The following WDFY4 variants were observed in gnomAD, a reference collection of about 807,000 sequenced individuals.
WDFY4 encodes WDFY family member 4, also known as WD repeat- and FYVE domain-containing protein 4.
In WDFY4, 169 loss-of-function variants were observed where a neutral mutation model predicts 351.9. The ratio of observed to expected loss-of-function variants is 0.48; its 90% CI spans 0.42 to 0.55. The LOEUF is 0.55. Ranked by LOEUF, WDFY4 falls within the 20% of genes least tolerant of loss-of-function variation. The probability of loss-of-function intolerance (pLI) is 0.00; values close to 1 mark genes in which losing one functional copy is unlikely to be tolerated. For synonymous variants in WDFY4, 1,622 were observed against 1,574.6 expected (o/e 1.03, Z -0.71); for missense variants, 3,803 against 3,935.6 (o/e 0.97, Z 0.90).
rs530211569 is a variant in WDFY4, at chr10:48,754,255, C to G, written c.2460-6092C>G. Among the ~76,000 whole-genome samples the G allele has an allele frequency of 3.6e-3, 461 of 128,086 alleles. 2 individuals carry two copies. Among genetic ancestry groups the G allele is most frequent in the African/African-American group, 0.013 (450 of 35,178 alleles). The allele number at this position is 128,086 out of a possible 152,430, so 84.0% of individuals were successfully genotyped here. A position where few individuals can be genotyped will look rare whatever the true frequency, so the allele number is the denominator to read the frequency against. On this transcript the variant is annotated intron_variant, in intron 12 of 61. Transcript: ENST00000325239. ...GTTTTTTTTTTTTTTTCTGTATTGTCTTTGTGTGGCTTCAGTATCAGAGTA... is the reference window on the plus strand; with the variant it reads ...GTTTTTTTTTTTTTTTCTGTATTGTGTTTGTGTGGCTTCAGTATCAGAGTA...
Position 48,721,228 on chromosome 10 carries a change from G to T in WDFY4, c.350-33G>T, listed in dbSNP as rs369302093. ...GGAGGGGAAGCTGAGTGGGCAGGTC[G>T]CTGTATGCCCTGCTGGTGACACTTT... On this transcript the variant is annotated intron_variant, in intron 3 of 61. Coordinates refer to ENST00000325239, the MANE Select transcript of WDFY4 (RefSeq NM_001394531.1). 5.2e-6 allele frequency: 8 copies of T among 1,537,910 alleles called. No individual in the cohort carries two copies. In the South Asian group the frequency reaches 9.5e-5, roughly 18 times the overall value.
chr10:48,923,232 G>C (rs1217695807), intron 47 of WDFY4, among the ~76,000 whole-genome samples: 2 of 151,962 alleles, frequency 1.3e-5, no homozygotes, highest in Non-Finnish European at 2.9e-5. Context: ...GGTCCAATGT[G>C]TATGTCTCCC....
intron 28 of WDFY4, 25 bp downstream of exon 28, chr10:48,807,983 T>C: frequency 1.3e-6 from 2 of 1,510,914 alleles, no homozygotes; most frequent in Non-Finnish European, 1.8e-6. Context: ...GAAGAGCAAT[T>C]TGGCAGGAGG....
Position 48,817,386 on chromosome 10 carries a change from G to T in WDFY4, c.5482G>T (p.Ala1828Ser). The change falls in exon 32 of 62, where the codon GCC (alanine) becomes TCC (serine). Residue 1828 changes from alanine (A) to serine (S), a missense_variant. Around this residue, in one of 3 missense-constraint regions of WDFY4, gnomAD observed 3,054 missense variants for 3,148.6 expected, o/e 0.97. Transcript: ENST00000325239. ...GTTCCTCCAGACCTTGGCCATAGCC[G>T]CCTTCCCCCTGGGAGCCCAAAAGGT... Reference protein sequence around the residue: ...PEFLQTLAIAAFPLGAQKGVG... With the variant: ...PEFLQTLAIASFPLGAQKGVG... The T allele has an allele frequency of 6.4e-7, 1 of 1,550,932 alleles. No homozygotes were observed. The highest frequency in any genetic ancestry group is 8.7e-7 in the Non-Finnish European group (1 of 1,146,508).
At chr10:48,792,815 CT>C (rs1266462058) in intron 23 of WDFY4, among the ~76,000 whole-genome samples, 1 of 152,202 alleles carries the variant, frequency 6.6e-6, no homozygotes, top group Non-Finnish European at 1.5e-5. Flanking sequence ...AAACTCTGAG[CT>C]TCTCAGAAAG....
chr10:48,694,430 AGCCCCT>A (rs1202856155), intron 1 of WDFY4, among the ~76,000 whole-genome samples: 1 of 151,848 alleles, frequency 6.6e-6, no homozygotes, highest in Non-Finnish European at 1.5e-5. Context: ...CCCTCTCCAA[AGCCCCT>A]GCTTCTGTGA....
Position 48,820,393 on chromosome 10 carries a change from G to T in WDFY4, c.5665G>T (p.Ala1889Ser), listed in dbSNP as rs2067778003. 1.3e-6 allele frequency: 2 copies of T among 1,551,622 alleles called. No homozygotes were observed. The highest frequency in any genetic ancestry group is 4.9e-5 in the East Asian group (2 of 40,896). The change falls in exon 33 of 62, where the codon GCC (alanine) becomes TCC (serine). Residue 1889 changes from alanine to serine, a missense_variant. Physicochemically the swap from Ala to Ser is moderately conservative, Grantham distance 99 (BLOSUM62 1). This residue lies in a region of WDFY4 where 3,054 missense variants were observed against 3,148.6 expected (regional missense o/e 0.97). Transcript: ENST00000325239. ...QLLLRELLLGASSPKQWLPLE... is the reference protein window; with the variant it reads ...QLLLRELLLGSSSPKQWLPLE... ...CCTCTTGAGGGAGCTCCTGCTTGGA[G>T]CCTCCAGCCCCAAGCAGTGGCTGCC...
At chr10:48,776,288 G>A (rs1243705833) in intron 15 of WDFY4, among the ~76,000 whole-genome samples, 1 of 152,206 alleles carries the variant, frequency 6.6e-6, no homozygotes, top group African/African-American at 2.4e-5. Flanking sequence ...GATCACATAA[G>A]ACCTCAAGGA....
intron 39 of WDFY4, among the ~76,000 whole-genome samples, chr10:48,848,082 T>C (rs2068837961): frequency 6.6e-6 from 1 of 152,148 alleles, no homozygotes; most frequent in Admixed American, 6.5e-5. Flanking sequence ...GAAAAGAGCC[T>C]TTTCTGGCCT....
chr10:48,803,265 GTGTTT>G lies in WDFY4; in HGVS notation c.4411-12_4411-8del. The G allele has an allele frequency of 6.4e-7, 1 of 1,551,264 alleles. No individual in the cohort carries two copies. Among genetic ancestry groups the G allele is most frequent in the Non-Finnish European group, 8.7e-7 (1 of 1,146,560 alleles). ...TTCTCCCACACCTTCATTTTAGCATGTGTTTTGTTTTGTCTTCCAGCTCTGGATGA... is the reference window on the plus strand; with the variant it reads ...TTCTCCCACACCTTCATTTTAGCATGTGTTTTGTCTTCCAGCTCTGGATGA... On this transcript the variant is annotated splice_polypyrimidine_tract_variant and intron_variant, in intron 24 of 61. Transcript: ENST00000325239.
At chr10:48,915,894 G>A (rs1589877090) in intron 47 of WDFY4, among the ~76,000 whole-genome samples, 1 of 152,122 alleles carries the variant, frequency 6.6e-6, no homozygotes, top group African/African-American at 2.4e-5. Context: ...GGGCATAATT[G>A]GCTGGTTTCC....
At chr10:48,696,358 G>A (rs2063329780) in intron 1 of WDFY4, among the ~76,000 whole-genome samples, 1 of 152,236 alleles carries the variant, frequency 6.6e-6, no homozygotes, top group Non-Finnish European at 1.5e-5. Flanking sequence ...CCCACCTGCT[G>A]TCTGCAAGGC....
At chr10:48,855,276 A>T (rs1466278824) in intron 39 of WDFY4, among the ~76,000 whole-genome samples, 1 of 152,146 alleles carries the variant, frequency 6.6e-6, no homozygotes, top group Admixed American at 6.5e-5. Context: ...CATTAATGAT[A>T]CCCCAGTAGC....
At chr10:48,748,959 A>G (rs1043774758) in intron 12 of WDFY4, among the ~76,000 whole-genome samples, 2 of 152,000 alleles carry the variant, frequency 1.3e-5, no homozygotes, top group East Asian at 3.9e-4. Flanking sequence ...TGCTTGTTCT[A>G]TGCCTTGGTG....
intron 39 of WDFY4, among the ~76,000 whole-genome samples, chr10:48,864,926 T>A (rs916786970): frequency 2.9e-4 from 44 of 152,348 alleles, no homozygotes; most frequent in African/African-American, 9.9e-4. Flanking sequence ...ACACTGAAAC[T>A]TTGCTTAATT....
At chr10:48,792,443 A>G (rs1402281410) in intron 23 of WDFY4, among the ~76,000 whole-genome samples, 1 of 152,200 alleles carries the variant, frequency 6.6e-6, no homozygotes, top group Non-Finnish European at 1.5e-5. Context: ...CACCATGAAG[A>G]CACTCAGTAC....
chr10:48,712,260 A>G (rs1012863286), intron 2 of WDFY4, among the ~76,000 whole-genome samples: 4 of 152,218 alleles, frequency 2.6e-5, no homozygotes, highest in Non-Finnish European at 5.9e-5. Flanking sequence ...TCAATGAGAA[A>G]CCATGAGGGT....
rs1322129716 is a variant in WDFY4, at chr10:48,788,567, A to C, written c.3846A>C (p.Ala1282=). 1 of 1,551,934 alleles carries C rather than the reference A, an allele frequency of 6.4e-7. No individual in the cohort carries two copies. Among genetic ancestry groups the C allele is most frequent in the Non-Finnish European group, 8.7e-7 (1 of 1,147,056 alleles). The part of the protein sequence containing the change: ...DLDSEATPFV[A]EERVSFGLHI... ...ACAGTGAAGCCACGCCCTTTGTTGC[A>C]GAAGAAAGAGTTTCTTTTGGACTTC... is the stretch of plus-strand genomic sequence containing the variant. Residue 1282 remains alanine, a synonymous_variant, in exon 21 of 62, where the codon GCA becomes GCC. Transcript: ENST00000325239.
intron 49 of WDFY4, 82 bp downstream of exon 49, chr10:48,943,531 C>T: frequency 6.9e-7 from 1 of 1,442,840 alleles, no homozygotes; most frequent in Non-Finnish European, 9.3e-7. Context: ...CATGCAGAGC[C>T]TCTGCTAGGA....
Sources: gnomAD v4.1 joint callset for allele counts (sites outside exome capture counted in the v4.1 genomes callset) on GRCh38, gnomAD v4.1.1 for gene constraint, gnomAD v4.1.1 regional missense constraint, MANE v1.5 for transcripts, NCBI Gene and HGNC (gene_info 2026-07-23, HGNC 2026-07-21) for gene names.